GRIK1: variants seen among roughly 807,000 people sequenced by gnomAD.
GRIK1 encodes the protein glutamate receptor ionotropic, kainate 1.
Under a neutral mutation model 105.7 loss-of-function variants are expected in GRIK1, and 69 were observed. The ratio of observed to expected loss-of-function variants is 0.65; its 90% confidence interval spans 0.54 to 0.80. GRIK1 has a LOEUF of 0.80. GRIK1 is among the 30% of genes least tolerant of loss of function. The probability of loss-of-function intolerance (pLI) is 0.00; values close to 1 mark genes in which losing one functional copy is unlikely to be tolerated. For synonymous variants in GRIK1, 438 were observed against 431.3 expected, an observed-to-expected ratio of 1.02 and a Z score of -0.19; for missense variants, 1,109 against 1,167.3, an observed-to-expected ratio of 0.95 and a Z score of 0.73.
rs1569182034 is a variant in GRIK1, at chr21:29,876,460, GA to G, written c.118+62922del. The stretch of plus-strand genomic sequence containing the variant: ...ATCTTGATTCCACAGATGCTTTGAC[GA>G]TACCAGAATCTACCCCCTACTGGTG... On this transcript the variant is annotated intron_variant, in intron 1 of 17. Coordinates refer to ENST00000327783, the MANE Select transcript of GRIK1 (RefSeq NM_001330994.2). 3.9e-5 allele frequency among the ~76,000 whole-genome samples: 6 copies of G among 152,184 alleles called. 1 individual carries two copies. In the South Asian group the frequency reaches 1.2e-3, roughly 32 times the overall value.
At chr21:29,752,101 A>G (rs750394515) in intron 1 of GRIK1, among the ~76,000 whole-genome samples, 1 of 152,220 alleles carries the variant, frequency 6.6e-6, no homozygotes, top group African/African-American at 2.4e-5. Flanking sequence ...GACGTCTCCA[A>G]AGTTTCCCTC....
intron 1 of GRIK1, among the ~76,000 whole-genome samples, chr21:29,766,068 C>G (rs1290243426): frequency 6.6e-6 from 1 of 152,060 alleles, no homozygotes; most frequent in Non-Finnish European, 1.5e-5. Flanking sequence ...CCAGGTTGGT[C>G]TCGATCTCCT....
chr21:29,873,987 T>A lies in GRIK1; in HGVS notation c.118+65396A>T, dbSNP rs1193766104. ...CAACCCAGATCCCTCACATGTCCAA[T>A]TCACAATAGGGTTCCCTCTCCTATG... On this transcript the variant is annotated intron_variant, in intron 1 of 17. Transcript: ENST00000327783. Among the ~76,000 whole-genome samples, 4 of 152,178 alleles carry A rather than the reference T, an allele frequency of 2.6e-5. No homozygotes were observed. In the East Asian group the frequency reaches 5.8e-4, roughly 22 times the overall value.
chr21:29,913,435 G>A (rs2070887084), intron 1 of GRIK1, among the ~76,000 whole-genome samples: 1 of 151,936 alleles, frequency 6.6e-6, no homozygotes, highest in South Asian at 2.1e-4. Flanking sequence ...TTTTAATAGA[G>A]TATATGGTAG....
chr21:29,599,345 C>G (rs1347133764), intron 7 of GRIK1, among the ~76,000 whole-genome samples: 1 of 152,122 alleles, frequency 6.6e-6, no homozygotes, highest in Non-Finnish European at 1.5e-5. Flanking sequence ...AGAATATAGA[C>G]TAATATAGTC....
chr21:29,722,800 G>A (rs996266070), intron 1 of GRIK1, among the ~76,000 whole-genome samples: 3 of 151,934 alleles, frequency 2.0e-5, no homozygotes, highest in Non-Finnish European at 2.9e-5. Flanking sequence ...TCTTTCCTAC[G>A]CTACAACCAC....
At chr21:29,824,173 T>C (rs76673657) in intron 1 of GRIK1, among the ~76,000 whole-genome samples, 6,197 of 152,064 alleles carry the variant, frequency 0.041, 192 homozygotes, top group Non-Finnish European at 0.063. Context: ...ACACTATAAA[T>C]ATATAAATAT....
intron 1 of GRIK1, among the ~76,000 whole-genome samples, chr21:29,757,130 A>T (rs895798891): frequency 6.6e-6 from 1 of 152,096 alleles, no homozygotes; most frequent in African/African-American, 2.4e-5. Context: ...TATAAAAAAT[A>T]AAAATAAATT....
At chr21:29,746,372 G>A (rs2065049044) in intron 1 of GRIK1, among the ~76,000 whole-genome samples, 1 of 152,218 alleles carries the variant, frequency 6.6e-6, no homozygotes, top group South Asian at 2.1e-4. Context: ...AACAGTGTAA[G>A]GGCAAGGACA....
intron 1 of GRIK1, among the ~76,000 whole-genome samples, chr21:29,755,561 C>T (rs545735041): frequency 1.1e-4 from 17 of 152,282 alleles, no homozygotes; most frequent in Middle Eastern, 3.4e-3. Flanking sequence ...TAGCGGCCAC[C>T]GCAAAACATC....
intron 7 of GRIK1, among the ~76,000 whole-genome samples, chr21:29,619,449 T>A (rs925504330): frequency 3.3e-5 from 5 of 150,160 alleles, no homozygotes; most frequent in Non-Finnish European, 7.4e-5. Context: ...GAAAAAAAAA[T>A]AATGATTCAA....
intron 1 of GRIK1, among the ~76,000 whole-genome samples, chr21:29,782,927 CA>C (rs1201610115): frequency 6.6e-6 from 1 of 152,104 alleles, no homozygotes; most frequent in Non-Finnish European, 1.5e-5. Flanking sequence ...GATCATTTTT[CA>C]TCTTGGTGTA....
At chr21:29,789,084 ACC>A (rs2066340953) in intron 1 of GRIK1, among the ~76,000 whole-genome samples, 2 of 152,230 alleles carry the variant, frequency 1.3e-5, no homozygotes, top group Non-Finnish European at 2.9e-5. Context: ...GCTATGTTAA[ACC>A]TTACCTGAGA....
chr21:29,729,194 T>C lies in GRIK1; in HGVS notation c.119-35131A>G, dbSNP rs537650491. On this transcript the variant is annotated intron_variant, in intron 1 of 17. Coordinates refer to ENST00000327783, the MANE Select transcript of GRIK1 (RefSeq NM_001330994.2). ...GGCTTCAAGTCCTTTCCAGTTTCTC[T>C]GGCCATCGAGTCTAGAGGTTTCTTG... Among the ~76,000 whole-genome samples the C allele has an allele frequency of 6.6e-5, 10 of 152,302 alleles. No individual in the cohort carries two copies. The South Asian group carries it at 1.5e-3, about 22-fold the overall frequency.
intron 1 of GRIK1, among the ~76,000 whole-genome samples, chr21:29,726,661 ATATC>A (rs1436128288): frequency 6.6e-6 from 1 of 151,992 alleles, no homozygotes; most frequent in Non-Finnish European, 1.5e-5. Context: ...ATATCATTAA[ATATC>A]TAACATACTA....
At chr21:29,549,567 G>T (rs1035388052) in intron 16 of GRIK1, among the ~76,000 whole-genome samples, 8 of 152,160 alleles carry the variant, frequency 5.3e-5, no homozygotes, top group African/African-American at 1.9e-4. Flanking sequence ...TGAGGAGAAA[G>T]GTCGAGAGGT....
intron 1 of GRIK1, among the ~76,000 whole-genome samples, chr21:29,738,128 G>A (rs111280967): frequency 4.9e-4 from 75 of 152,352 alleles, no homozygotes; most frequent in Middle Eastern, 3.4e-3. Flanking sequence ...ATGGAAGTGC[G>A]TTGCACTGGG....
intron 1 of GRIK1, among the ~76,000 whole-genome samples, chr21:29,812,312 A>G (rs1038750060): frequency 1.3e-5 from 2 of 152,112 alleles, no homozygotes; most frequent in Non-Finnish European, 2.9e-5. Flanking sequence ...GGGATGTTCT[A>G]ATTATGCTGA....
At chr21:29,926,191 A>C (rs2071364771) in intron 1 of GRIK1, among the ~76,000 whole-genome samples, 1 of 151,956 alleles carries the variant, frequency 6.6e-6, no homozygotes, top group South Asian at 2.1e-4. Context: ...CTGGATGTTA[A>C]AATTTCCCTA....
Sources: gnomAD v4.1 joint callset for allele counts (sites outside exome capture counted in the v4.1 genomes callset) on GRCh38, gnomAD v4.1.1 for gene constraint, MANE v1.5 for transcripts, NCBI Gene and HGNC (gene_info 2026-07-23, HGNC 2026-07-21) for gene names.